The following CPNE1 variants were observed in gnomAD, a reference collection of about 807,000 sequenced individuals.
The protein encoded by CPNE1 is copine-1.
Under a neutral mutation model 63.2 loss-of-function variants are expected in CPNE1, and 58 were observed. That is an observed-to-expected ratio of 0.92 (90% confidence interval 0.74 to 1.14). CPNE1 has a LOEUF of 1.14. Ranked by LOEUF, CPNE1 falls within the 50% of genes most tolerant of loss-of-function variation. The pLI is 0.00. For synonymous variants in CPNE1, 237 were observed against 249.0 expected, an observed-to-expected ratio of 0.95 and a Z score of 0.45; for missense variants, 672 against 661.7, an observed-to-expected ratio of 1.02 and a Z score of -0.17.
At chr20:35,636,127 G>A (rs1044910054) in intron 1 of CPNE1, among the ~76,000 whole-genome samples, 4 of 152,208 alleles carry the variant, frequency 2.6e-5, no homozygotes, top group African/African-American at 9.6e-5. Context: ...GCTGAAATCT[G>A]GAGAAACAGC....
intron 1 of CPNE1, chr20:35,652,916 G>C (rs971464293): frequency 1.2e-6 from 2 of 1,613,624 alleles, no homozygotes; most frequent in Admixed American, 1.7e-5. Context: ...CCAAACCCCG[G>C]GGGACCGCCT....
At chr20:35,661,418 A>G (rs1158912865) in intron 1 of CPNE1, among the ~76,000 whole-genome samples, 1 of 152,232 alleles carries the variant, frequency 6.6e-6, no homozygotes, top group Non-Finnish European at 1.5e-5. Flanking sequence ...AATAATAACT[A>G]AACAATAAAA....
chr20:35,660,767 T>C (rs1182402189), intron 1 of CPNE1, among the ~76,000 whole-genome samples: 4 of 152,136 alleles, frequency 2.6e-5, no homozygotes, highest in Non-Finnish European at 1.5e-5. Context: ...ATTCAAAAGG[T>C]CAGGTATGGG....
At chr20:35,632,730 A>T (rs2032248383) in intron 2 of CPNE1, 34 bp from the exon 3 acceptor site, 5 of 882,780 alleles carry the variant, frequency 5.7e-6, no homozygotes, top group Non-Finnish European at 9.8e-6. Flanking sequence ...TCACAGTCAC[A>T]GCCTCCACCC....
intron 1 of CPNE1, among the ~76,000 whole-genome samples, chr20:35,656,106 T>C (rs939600187): frequency 6.6e-6 from 1 of 152,208 alleles, no homozygotes; most frequent in Non-Finnish European, 1.5e-5. Flanking sequence ...AACCTGGTTA[T>C]AGTCCCATTC....
chr20:35,655,031 G>A, intron 1 of CPNE1: 6 of 1,614,142 alleles, frequency 3.7e-6, no homozygotes, highest in Non-Finnish European at 5.1e-6. Flanking sequence ...TTTGCTGGTG[G>A]TATATCTAAG....
chr20:35,648,031 C>A (rs1382483078), intron 1 of CPNE1, among the ~76,000 whole-genome samples: 4 of 151,094 alleles, frequency 2.6e-5, no homozygotes, highest in Non-Finnish European at 5.9e-5. Flanking sequence ...CACCACTGCA[C>A]TCCAGCCTGG....
intron 1 of CPNE1, among the ~76,000 whole-genome samples, chr20:35,643,821 G>C (rs1395075806): frequency 1.3e-5 from 2 of 152,134 alleles, no homozygotes; most frequent in Non-Finnish European, 2.9e-5. Context: ...CAATAGGTAA[G>C]GGCCCTCCAC....
rs748912348 is a variant in CPNE1 at position 35,626,556 on chromosome 20, C to T, written c.1473+11G>A. 25 of 1,612,366 alleles carry T rather than the reference C, an allele frequency of 1.6e-5. No homozygotes were observed. The South Asian group carries it at 2.5e-4, about 16-fold the overall frequency. ...AGGGTAAACTCCCAGATCAAATTTG[C>T]ACCTACTCACATTCTGGAACCGGCG... On this transcript the variant is annotated intron_variant, in intron 15 of 15. Coordinates refer to ENST00000397443, the MANE Select transcript of CPNE1 (RefSeq NM_152925.3).
rs2032239910 is a variant in CPNE1, at chr20:35,632,659, G to C, written c.167C>G (p.Pro56Arg). The C allele has an allele frequency of 1.5e-6, 2 of 1,349,786 alleles. No homozygotes were observed. The highest frequency in any genetic ancestry group is 2.1e-6 in the Non-Finnish European group (2 of 938,562). The allele number at this position is 1,349,786 out of a possible 1,614,324, so 83.6% of individuals were successfully genotyped here. ...AAGCTGTAGAGTCTTGGAGAACTCA[G>C]GGCTTGAGCAGTTCCGCACCCGTTC... ...RTERVRNCSS[P>R]EFSKTLQLEY... Residue 56 changes from proline (P) to arginine (R), a missense_variant, in exon 3 of 16, where the codon CCT becomes CGT. Physicochemically the swap from Pro to Arg is moderately radical, Grantham distance 103. Coordinates refer to ENST00000397443, the MANE Select transcript of CPNE1 (RefSeq NM_152925.3).
intron 1 of CPNE1, among the ~76,000 whole-genome samples, chr20:35,634,628 T>C (rs1449873788): frequency 2.6e-5 from 4 of 152,028 alleles, no homozygotes; most frequent in Non-Finnish European, 5.9e-5. Context: ...GTCCAAACTA[T>C]ACCATGGCCT....
intron 1 of CPNE1, chr20:35,654,275 A>G (rs201361349): frequency 1.2e-6 from 2 of 1,614,196 alleles, no homozygotes; most frequent in East Asian, 4.5e-5. Context: ...GGGGAGAGAA[A>G]CTTAACCAAT....
chr20:35,628,658 G>A (rs1222121892), intron 13 of CPNE1, among the ~76,000 whole-genome samples: 2 of 152,192 alleles, frequency 1.3e-5, no homozygotes, highest in Admixed American at 1.3e-4. Context: ...ATCATGAAAT[G>A]TGAATGTCAT....
chr20:35,628,019 G>T (rs192495686), intron 13 of CPNE1, among the ~76,000 whole-genome samples: 4 of 152,074 alleles, frequency 2.6e-5, no homozygotes, highest in Admixed American at 2.0e-4. Context: ...CAGTGGCTCA[G>T]GCCTGTAATC....
Position 35,631,532 on chromosome 20 carries a change from C to T in CPNE1, c.674G>A (p.Gly225Asp). Residue 225 changes from glycine to aspartate, a missense_variant, in exon 8 of 16, where the codon GGT becomes GAT. Gly to Asp is a moderately conservative substitution (Grantham distance 94). Transcript: ENST00000397443. The part of the protein sequence containing the change: ...YDSDGSHDLI[G>D]TFHTSLAQLQ... ...CTGGGCCAAGCTGGTGTGGAAGGTA[C>T]CGATGAGATCATGTGACCCGTCACT... 1 of 1,614,034 alleles carries T rather than the reference C, an allele frequency of 6.2e-7. No individual in the cohort carries two copies. The highest frequency in any genetic ancestry group is 8.5e-7 in the Non-Finnish European group (1 of 1,179,976).
chr20:35,656,703 T>G (rs2033920689), intron 1 of CPNE1, among the ~76,000 whole-genome samples: 1 of 152,104 alleles, frequency 6.6e-6, no homozygotes. Flanking sequence ...CCTGGCTAAG[T>G]GTTTGTATTT....
rs553540688 is a variant in CPNE1 at position 35,655,469 on chromosome 20, T to C, written c.-1+9291A>G. 2.6e-5 allele frequency: 21 copies of C among 796,564 alleles called. 1 individual carries two copies. The South Asian group carries it at 3.6e-4, about 13-fold the overall frequency. The allele number at this position is 796,564 out of a possible 1,614,324, so 49.3% of individuals were successfully genotyped here. ...TTCCCTCAAGCTATCACAGGCAATG[T>C]CTTTAATTTAGATATTCTAAAAACT... On this transcript the variant is annotated intron_variant, in intron 1 of 15. Transcript: ENST00000397443.
At chr20:35,657,754 C>G (rs1055334208) in intron 1 of CPNE1, among the ~76,000 whole-genome samples, 1 of 152,128 alleles carries the variant, frequency 6.6e-6, no homozygotes, top group Non-Finnish European at 1.5e-5. Context: ...TTTCTAGCTT[C>G]CAAAAAATAT....
chr20:35,631,351 C>G lies in CPNE1; in HGVS notation c.718G>C (p.Glu240Gln), dbSNP rs2146284904. The change falls in exon 9 of 16, where the codon GAG (glutamate) becomes CAG (glutamine). Residue 240 changes from glutamate to glutamine, a missense_variant. Transcript: ENST00000397443. Reference sequence around the variant, plus strand: ...TTCTCAGGGTGGATGCATTCAAACTCAGCCTGGTGAGGACAGAAAAATTAG... The same window carrying G: ...TTCTCAGGGTGGATGCATTCAAACTGAGCCTGGTGAGGACAGAAAAATTAG... ...SLAQLQAVPA[E>Q]FECIHPEKQQ... 6.2e-7 allele frequency: 1 copy of G among 1,614,118 alleles called. No individual in the cohort carries two copies. The highest frequency in any genetic ancestry group is 8.5e-7 in the Non-Finnish European group (1 of 1,179,984).
Sources: gnomAD v4.1 joint callset for allele counts (sites outside exome capture counted in the v4.1 genomes callset) on GRCh38, gnomAD v4.1.1 for gene constraint, MANE v1.5 for transcripts, NCBI Gene and HGNC (gene_info 2026-07-23, HGNC 2026-07-21) for gene names.